The following NRXN3 variants were observed in gnomAD, a reference collection of about 807,000 sequenced individuals.
NRXN3 encodes the protein neurexin III.
In NRXN3, 32 loss-of-function variants were observed where a neutral mutation model predicts 137.6. That is an observed-to-expected ratio of 0.23 (90% CI 0.18 to 0.31). The LOEUF (loss-of-function observed/expected upper bound fraction) is 0.31. Among genes scored for constraint, NRXN3 ranks in the 10% least tolerant of loss-of-function variants. The pLI, the probability that NRXN3 is intolerant of heterozygous loss-of-function variation, is 1.00. For synonymous variants in NRXN3, 798 were observed against 784.5 expected, an observed-to-expected ratio of 1.02 and a Z score of -0.29; for missense variants, 1,574 against 2,062.5, an observed-to-expected ratio of 0.76 and a Z score of 4.59.
At chr14:79,570,123 G>T (rs1380443901) in intron 16 of NRXN3, among the ~76,000 whole-genome samples, 4 of 152,078 alleles carry the variant, frequency 2.6e-5, no homozygotes. Flanking sequence ...CTCTCACTGT[G>T]TCATTTCTAG....
At chr14:78,380,294 C>A (rs1401712232) in intron 4 of NRXN3, among the ~76,000 whole-genome samples, 2 of 105,206 alleles carry the variant, frequency 1.9e-5, no homozygotes, top group African/African-American at 7.7e-5. Context: ...GGCGACAGAG[C>A]GAGACTCCGT....
intron 15 of NRXN3, among the ~76,000 whole-genome samples, chr14:79,397,342 A>G (rs924275924): frequency 1.3e-5 from 2 of 152,198 alleles, no homozygotes; most frequent in Non-Finnish European, 1.5e-5. Context: ...AAATTGCAAG[A>G]TAATTGATAA....
chr14:79,187,210 G>A (rs1260449175), intron 15 of NRXN3, among the ~76,000 whole-genome samples: 1 of 152,174 alleles, frequency 6.6e-6, no homozygotes, highest in African/African-American at 2.4e-5. Context: ...CATGAGCGGA[G>A]TCAGAGCCCC....
intron 15 of NRXN3, among the ~76,000 whole-genome samples, chr14:79,018,175 G>C (rs1378251737): frequency 7.0e-6 from 1 of 142,610 alleles, no homozygotes; most frequent in Admixed American, 7.2e-5. Context: ...CAGAACAGTT[G>C]CTTGAACCTG....
intron 15 of NRXN3, chr14:79,281,975 A>G (rs1184267639): frequency 6.6e-6 from 1 of 152,116 alleles, no homozygotes; most frequent in Non-Finnish European, 1.5e-5. Flanking sequence ...TTTAAATTTT[A>G]TTTGATGGAG....
chr14:78,491,535 A>T (rs919015243), intron 4 of NRXN3, among the ~76,000 whole-genome samples: 6 of 152,236 alleles, frequency 3.9e-5, no homozygotes, highest in South Asian at 2.1e-4. Flanking sequence ...CAGATTTAGC[A>T]TTCTGTCATT....
chr14:79,547,804 C>G (rs1322362957), intron 16 of NRXN3, among the ~76,000 whole-genome samples: 1 of 152,200 alleles, frequency 6.6e-6, no homozygotes, highest in Non-Finnish European at 1.5e-5. Context: ...GTATTCAACA[C>G]ATGCCTTCGA....
chr14:79,640,083 T>A (rs1045010585), intron 16 of NRXN3, among the ~76,000 whole-genome samples: 1 of 135,342 alleles, frequency 7.4e-6, no homozygotes, highest in African/African-American at 2.5e-5. Flanking sequence ...ATTTGTCCAA[T>A]AAATGAAATA....
chr14:79,057,307 C>T (rs899511297), intron 15 of NRXN3, among the ~76,000 whole-genome samples: 5 of 152,124 alleles, frequency 3.3e-5, no homozygotes, highest in Middle Eastern at 3.2e-3. Flanking sequence ...TGATCAAATA[C>T]GTAAGGTGAT....
chr14:78,984,313 CA>C (rs1425164608), intron 14 of NRXN3, among the ~76,000 whole-genome samples: 1 of 152,172 alleles, frequency 6.6e-6, no homozygotes, highest in African/African-American at 2.4e-5. Context: ...TATATTAAAA[CA>C]TAACATTGTA....
chr14:79,471,145 A>C (rs1286131911), intron 16 of NRXN3, among the ~76,000 whole-genome samples: 1 of 152,128 alleles, frequency 6.6e-6, no homozygotes, highest in Non-Finnish European at 1.5e-5. Flanking sequence ...TATTTGAAGG[A>C]AGAGAAAATG....
At chr14:79,639,436 T>A (rs988288839) in intron 16 of NRXN3, among the ~76,000 whole-genome samples, 1 of 152,162 alleles carries the variant, frequency 6.6e-6, no homozygotes, top group Non-Finnish European at 1.5e-5. Flanking sequence ...TCTCTAGAAA[T>A]CTTTGTGATT....
chr14:79,019,191 T>A (rs759456572), intron 15 of NRXN3, among the ~76,000 whole-genome samples: 1 of 152,172 alleles, frequency 6.6e-6, no homozygotes, highest in Non-Finnish European at 1.5e-5. Flanking sequence ...TTCCTCGTGA[T>A]GTTGATAAAC....
At chr14:78,278,984 A>G (rs1251614861) in intron 3 of NRXN3, among the ~76,000 whole-genome samples, 1 of 152,220 alleles carries the variant, frequency 6.6e-6, no homozygotes, top group Non-Finnish European at 1.5e-5. Context: ...CAATTTAATG[A>G]ACAACGTTAG....
chr14:78,302,298 A>C (rs930464849), intron 4 of NRXN3, among the ~76,000 whole-genome samples: 2 of 152,084 alleles, frequency 1.3e-5, no homozygotes, highest in South Asian at 4.2e-4. Context: ...TACCACTACT[A>C]GAAGCTGCTG....
intron 1 of NRXN3, among the ~76,000 whole-genome samples, chr14:78,235,026 G>GTATATATATATATA (rs377371263): frequency 4.6e-4 from 40 of 87,296 alleles, no homozygotes; most frequent in South Asian, 1.9e-3. Context: ...ATATATATGT[G>GTATATATATATATA]TATATATATA....
At chr14:78,264,186 GC>G (rs1306881946) in intron 2 of NRXN3, among the ~76,000 whole-genome samples, 1 of 152,142 alleles carries the variant, frequency 6.6e-6, no homozygotes, top group African/African-American at 2.4e-5. Context: ...AGAATCTACA[GC>G]CCCTCTTGTT....
At chr14:79,017,171 A>G (rs1567999208) in intron 15 of NRXN3, among the ~76,000 whole-genome samples, 1 of 151,934 alleles carries the variant, frequency 6.6e-6, no homozygotes, top group Admixed American at 6.6e-5. Context: ...TTGGCTAACT[A>G]TGAATTGAGT....
intron 8 of NRXN3, among the ~76,000 whole-genome samples, chr14:78,756,235 C>T (rs1488884056): frequency 6.6e-6 from 1 of 152,056 alleles, no homozygotes; most frequent in Non-Finnish European, 1.5e-5. Flanking sequence ...TGTCTGTAAT[C>T]CTAGCACTTT....
Sources: allele counts gnomAD v4.1 joint callset (sites outside exome capture counted in the v4.1 genomes callset), GRCh38; gene constraint gnomAD v4.1.1; transcripts MANE v1.5; gene names NCBI Gene and HGNC (gene_info 2026-07-23, HGNC 2026-07-21).